Variants in PTPRG observed in about 807,000 individuals in gnomAD.
PTPRG encodes protein tyrosine phosphatase receptor type G, also known as receptor-type tyrosine-protein phosphatase gamma.
Under a neutral mutation model 165.3 loss-of-function variants are expected in PTPRG, and 102 were observed. The ratio of observed to expected loss-of-function variants is 0.62; its 90% CI spans 0.53 to 0.73. PTPRG has a LOEUF of 0.73. Ranked by LOEUF, PTPRG falls within the 30% of genes least tolerant of loss-of-function variation. The pLI, the probability that PTPRG is intolerant of heterozygous loss-of-function variation, is 0.00. For missense variants in PTPRG, 1,866 were observed against 1,861.4 expected, an observed-to-expected ratio of 1.00 and a Z score of -0.05; for synonymous variants, 675 against 669.5, an observed-to-expected ratio of 1.01 and a Z score of -0.13.
chr3:61,593,258 A>G lies in PTPRG; in HGVS notation c.85+30886A>G, dbSNP rs778177448. Among the ~76,000 whole-genome samples, 152 of 152,270 alleles carry G rather than the reference A, an allele frequency of 1.0e-3. 3 individuals carry two copies. In the Middle Eastern group the frequency reaches 0.017, roughly 17 times the overall value. ...ACACTGGGCACCTCCATCTCCCACC[A>G]GGGCTCACACCTTTGAAACCCTAAA... is the stretch of plus-strand genomic sequence containing the variant. On this transcript the variant is annotated intron_variant, in intron 1 of 29. Transcript: ENST00000474889.
At chr3:61,794,462 G>A (rs528806604) in intron 2 of PTPRG, among the ~76,000 whole-genome samples, 2 of 152,180 alleles carry the variant, frequency 1.3e-5, no homozygotes, top group Admixed American at 6.5e-5. Flanking sequence ...GACTTTTTCA[G>A]TAGTCAACAT....
At chr3:61,763,529 C>T (rs1384614068) in intron 2 of PTPRG, among the ~76,000 whole-genome samples, 2 of 33,030 alleles carry the variant, frequency 6.1e-5, no homozygotes, top group African/African-American at 1.5e-4. Context: ...CCACGCCCAG[C>T]TAATTTTTGT....
intron 2 of PTPRG, among the ~76,000 whole-genome samples, chr3:61,919,561 C>A (rs2107557663): frequency 6.6e-6 from 1 of 152,248 alleles, no homozygotes; most frequent in African/African-American, 2.4e-5. Context: ...CTGTCACAAT[C>A]CAGTAGGGGT....
chr3:61,707,457 G>A (rs1210013480), intron 1 of PTPRG, among the ~76,000 whole-genome samples: 3 of 152,134 alleles, frequency 2.0e-5, no homozygotes, highest in African/African-American at 7.2e-5. Context: ...AGGAAGAGCT[G>A]ATTTTTTTTC....
chr3:61,601,646 G>A (rs1341360289), intron 1 of PTPRG, among the ~76,000 whole-genome samples: 1 of 152,116 alleles, frequency 6.6e-6, no homozygotes, highest in Non-Finnish European at 1.5e-5. Flanking sequence ...TACCTCCTAT[G>A]TGCCATACCT....
chr3:61,574,651 T>TTTA (rs1700135347), intron 1 of PTPRG, among the ~76,000 whole-genome samples: 1 of 152,322 alleles, frequency 6.6e-6, no homozygotes, highest in East Asian at 1.9e-4. Flanking sequence ...CTTAGTCCAT[T>TTTA]TTATGTTGCT....
chr3:61,929,134 A>T (rs1363879463), intron 2 of PTPRG, among the ~76,000 whole-genome samples: 1 of 152,184 alleles, frequency 6.6e-6, no homozygotes, highest in Non-Finnish European at 1.5e-5. Context: ...AGGTTTTGGT[A>T]TTTAAAGTGA....
intron 2 of PTPRG, among the ~76,000 whole-genome samples, chr3:61,827,484 A>G (rs962582903): frequency 6.6e-6 from 1 of 152,134 alleles, no homozygotes; most frequent in East Asian, 1.9e-4. Flanking sequence ...CAAGGTCAGA[A>G]ATCATCTCAT....
intron 2 of PTPRG, among the ~76,000 whole-genome samples, chr3:61,751,902 A>T (rs1440759935): frequency 6.6e-6 from 1 of 152,128 alleles, no homozygotes; most frequent in East Asian, 1.9e-4. Context: ...CTAAGGCAGC[A>T]GAATGGCATG....
intron 2 of PTPRG, among the ~76,000 whole-genome samples, chr3:61,896,711 TTTGATA>T (rs1244930740): frequency 2.6e-5 from 4 of 152,328 alleles, no homozygotes; most frequent in Non-Finnish European, 5.9e-5. Flanking sequence ...GACATTACAA[TTTGATA>T]TTGATATTGA....
chr3:62,148,151 T>A (rs2106667434), intron 6 of PTPRG, among the ~76,000 whole-genome samples: 1 of 151,802 alleles, frequency 6.6e-6, no homozygotes, highest in Non-Finnish European at 1.5e-5. Flanking sequence ...ATCTCAAAAA[T>A]AAATAAATAA....
chr3:61,748,941 G>T lies in PTPRG; in HGVS notation c.149G>T (p.Arg50Leu), dbSNP rs1460443941. The T allele has an allele frequency of 6.2e-7, 1 of 1,611,870 alleles. No homozygotes were observed. Among genetic ancestry groups the T allele is most frequent in the South Asian group, 1.1e-5 (1 of 90,652 alleles). Residue 50 changes from arginine (R) to leucine (L), a missense_variant, in exon 2 of 30, where the codon CGC becomes CTC. By Grantham distance (102) the Arg-to-Leu change is moderately radical. Around this residue, in one of 3 missense-constraint regions of PTPRG, gnomAD observed 408 missense variants for 376.2 expected, o/e 1.08. Transcript: ENST00000474889. ...AGACACGGCAGCGCAGTGCAGATCC[G>T]CAGGCGCAAGGCTTCAGGCGACCCG... ...ENRHGSAVQI[R>L]RRKASGDPYW...
intron 2 of PTPRG, among the ~76,000 whole-genome samples, chr3:61,877,080 A>G (rs1039517415): frequency 1.1e-4 from 16 of 151,964 alleles, no homozygotes; most frequent in African/African-American, 3.4e-4. Flanking sequence ...CAATCTTTGC[A>G]TTCCTTTTTA....
At chr3:61,924,807 G>A (rs1559692398) in intron 2 of PTPRG, among the ~76,000 whole-genome samples, 1 of 152,194 alleles carries the variant, frequency 6.6e-6, no homozygotes, top group South Asian at 2.1e-4. Context: ...AGCAACTGTT[G>A]TGGACTGAAT....
At chr3:61,643,076 C>T (rs1378567649) in intron 1 of PTPRG, among the ~76,000 whole-genome samples, 1 of 152,140 alleles carries the variant, frequency 6.6e-6, no homozygotes, top group Non-Finnish European at 1.5e-5. Flanking sequence ...CAAAGGTCTG[C>T]TTTCTTTAAC....
intron 2 of PTPRG, among the ~76,000 whole-genome samples, chr3:61,818,169 A>T (rs546277161): frequency 6.6e-6 from 1 of 152,346 alleles, no homozygotes; most frequent in South Asian, 2.1e-4. Context: ...GAAAAGCATT[A>T]CACTTGAACT....
chr3:61,726,017 AGT>A, intron 1 of PTPRG, among the ~76,000 whole-genome samples: 1 of 152,224 alleles, frequency 6.6e-6, no homozygotes, highest in South Asian at 2.1e-4. Context: ...GGCACTGCTG[AGT>A]GTTAGTTGGA....
chr3:61,645,618 A>C (rs1702178893), intron 1 of PTPRG, among the ~76,000 whole-genome samples: 1 of 152,238 alleles, frequency 6.6e-6, no homozygotes. Flanking sequence ...CCTGAGCTCC[A>C]TTATCTAGCC....
intron 1 of PTPRG, among the ~76,000 whole-genome samples, chr3:61,708,720 G>C (rs929796322): frequency 6.6e-6 from 1 of 152,038 alleles, no homozygotes; most frequent in Non-Finnish European, 1.5e-5. Context: ...GCCTCCCAAG[G>C]TGCTGGAATT....
Sources: allele counts gnomAD v4.1 joint callset (sites outside exome capture counted in the v4.1 genomes callset), GRCh38; gene constraint gnomAD v4.1.1; regional missense constraint gnomAD v4.1.1; transcripts MANE v1.5; gene names NCBI Gene and HGNC (gene_info 2026-07-23, HGNC 2026-07-21).